The following SUSD5 variants were observed in gnomAD, a reference collection of about 807,000 sequenced individuals.
SUSD5 encodes the protein sushi domain-containing protein 5.
A neutral mutation model predicts 29.5 loss-of-function variants in SUSD5; 33 were observed. That is an observed-to-expected ratio of 1.12 (90% CI 0.85 to 1.49). The LOEUF (loss-of-function observed/expected upper bound fraction) is 1.49, where lower values mean the gene tolerates loss of function less well. Ranked by LOEUF, SUSD5 falls within the 40% of genes most tolerant of loss-of-function variation. The pLI is 0.00. For missense variants in SUSD5, 776 were observed against 800.6 expected, an observed-to-expected ratio of 0.97 and a Z score of 0.37; for synonymous variants, 308 against 325.3, an observed-to-expected ratio of 0.95 and a Z score of 0.57.
chr3:33,194,410 G>A (rs1302257756), intron 3 of SUSD5, among the ~76,000 whole-genome samples: 1 of 152,154 alleles, frequency 6.6e-6, no homozygotes, highest in African/African-American at 2.4e-5. Context: ...GAACCCACTG[G>A]CTGGTTGGTT....
chr3:33,215,807 C>T (rs952346124), intron 1 of SUSD5, among the ~76,000 whole-genome samples: 1 of 152,132 alleles, frequency 6.6e-6, no homozygotes, highest in African/African-American at 2.4e-5. Context: ...AACATGTCAA[C>T]TCAAGGGCCA....
chr3:33,183,527 A>G (rs1251829023), intron 3 of SUSD5, among the ~76,000 whole-genome samples: 2 of 152,204 alleles, frequency 1.3e-5, no homozygotes, highest in African/African-American at 4.8e-5. Context: ...CAAGTACCTT[A>G]TAATAACAAA....
At chr3:33,175,186 T>A (rs2031524185) in intron 3 of SUSD5, 112 bp from the exon 4 acceptor site, 2 of 1,172,722 alleles carry the variant, frequency 1.7e-6, no homozygotes, top group Non-Finnish European at 2.4e-6. Context: ...TACCCTCAAC[T>A]GTGATCACAG....
intron 3 of SUSD5, among the ~76,000 whole-genome samples, chr3:33,177,062 T>G (rs1345295647): frequency 6.6e-6 from 1 of 152,324 alleles, no homozygotes; most frequent in South Asian, 2.1e-4. Flanking sequence ...CAATATTTAG[T>G]TGGTTACTCT....
chr3:33,208,135 A>T (rs1281556207), intron 2 of SUSD5, among the ~76,000 whole-genome samples: 1 of 152,212 alleles, frequency 6.6e-6, no homozygotes, highest in Non-Finnish European at 1.5e-5. Context: ...TATAGGTATC[A>T]ATTCGAGTTT....
intron 4 of SUSD5, among the ~76,000 whole-genome samples, chr3:33,169,694 G>C (rs2031382037): frequency 6.6e-6 from 1 of 152,148 alleles, no homozygotes; most frequent in South Asian, 2.1e-4. Context: ...TGTTTCCATG[G>C]CTGTGTCAGA....
At chr3:33,194,111 C>G (rs1183219605) in intron 3 of SUSD5, among the ~76,000 whole-genome samples, 1 of 152,210 alleles carries the variant, frequency 6.6e-6, no homozygotes, top group African/African-American at 2.4e-5. Context: ...GACCACTAAA[C>G]TGGCTCATCT....
chr3:33,198,262 T>C (rs2032033669), intron 3 of SUSD5, among the ~76,000 whole-genome samples: 1 of 152,228 alleles, frequency 6.6e-6, no homozygotes, highest in South Asian at 2.1e-4. Context: ...CTCAGTCCTC[T>C]TGACAAATCT....
intron 4 of SUSD5, among the ~76,000 whole-genome samples, chr3:33,156,072 G>A (rs893105143): frequency 5.3e-5 from 8 of 149,736 alleles, no homozygotes; most frequent in Non-Finnish European, 7.4e-5. Context: ...AGAGAGTCTC[G>A]CTCTGTCTCC....
intron 2 of SUSD5, among the ~76,000 whole-genome samples, chr3:33,209,287 T>C (rs2032278738): frequency 5.3e-5 from 8 of 152,202 alleles, no homozygotes; most frequent in Admixed American, 5.2e-4. Context: ...TTTGTCTTAC[T>C]TGAGCTTTGC....
chr3:33,201,406 G>A (rs532369738), intron 3 of SUSD5, among the ~76,000 whole-genome samples: 2 of 152,360 alleles, frequency 1.3e-5, no homozygotes, highest in African/African-American at 4.8e-5. Context: ...AAGTGGAGAA[G>A]TCTGTCTGGG....
At chr3:33,165,263 A>AGT (rs1363071679) in intron 4 of SUSD5, among the ~76,000 whole-genome samples, 4 of 152,190 alleles carry the variant, frequency 2.6e-5, no homozygotes, top group African/African-American at 9.7e-5. Flanking sequence ...AGCCATACAC[A>AGT]AGAGTACATA....
At position 33,167,191 on chromosome 3, in the gene SUSD5, T is replaced by C. The variant is rs867844861; in HGVS notation, c.598+7695A>G. Among the ~76,000 whole-genome samples the C allele has an allele frequency of 6.7e-6, 1 of 150,306 alleles. No homozygotes were observed. The highest frequency in any genetic ancestry group is 2.4e-5 in the African/African-American group (1 of 41,142). ...CGAGACTCCATCTCAAAAAAATATA[T>C]ATATATATAAATATATATATAAAAC... is the stretch of plus-strand genomic sequence containing the variant. On this transcript the variant is annotated intron_variant, in intron 4 of 4. Transcript: ENST00000309558. The surrounding 1 kb of genome is among the most constrained non-coding windows in gnomAD (Gnocchi z 4.1).
At chr3:33,187,466 C>T (rs1489439389) in intron 3 of SUSD5, among the ~76,000 whole-genome samples, 1 of 152,124 alleles carries the variant, frequency 6.6e-6, no homozygotes, top group Non-Finnish European at 1.5e-5. Flanking sequence ...TACAACAGTG[C>T]TATGCGTTAA....
At chr3:33,158,083 G>A (rs2031094465) in intron 4 of SUSD5, among the ~76,000 whole-genome samples, 1 of 152,182 alleles carries the variant, frequency 6.6e-6, no homozygotes, top group African/African-American at 2.4e-5. Flanking sequence ...AAGAATAAAT[G>A]GTTCTGGAAG....
chr3:33,159,421 T>C (rs6795217), intron 4 of SUSD5, among the ~76,000 whole-genome samples: 48,112 of 152,004 alleles, frequency 0.32, 8,940 homozygotes, highest in East Asian at 0.5. Context: ...CTGTCTCTTA[T>C]GCCCACACCC....
chr3:33,212,531 G>C (rs1211636361), intron 2 of SUSD5, among the ~76,000 whole-genome samples: 2 of 152,208 alleles, frequency 1.3e-5, no homozygotes, highest in African/African-American at 4.8e-5. Context: ...ATAATGTCTA[G>C]GGGCTGAGCT....
In SUSD5 at chr3:33,206,776, G is replaced by C. The variant is rs1170318291; in HGVS notation, c.409+1032C>G. Among the ~76,000 whole-genome samples the C allele has an allele frequency of 2.0e-5, 3 of 152,076 alleles. No individual in the cohort carries two copies. The East Asian group carries it at 5.8e-4, about 29-fold the overall frequency. ...TATTTCACATCATCAGGGGAGTTTG[G>C]GAAACACTGCATTACAGAAAGGGTT... On this transcript the variant is annotated intron_variant, in intron 3 of 4. Coordinates refer to ENST00000309558, the MANE Select transcript of SUSD5 (RefSeq NM_015551.2).
rs553336512 is a variant in SUSD5, at chr3:33,218,700, G to A, written c.98C>T (p.Ser33Leu). 2 of 1,311,802 alleles carry A rather than the reference G, an allele frequency of 1.5e-6. No homozygotes were observed. Among genetic ancestry groups the A allele is most frequent in the Non-Finnish European group, 9.7e-7 (1 of 1,030,900 alleles). 81.3% of individuals were successfully genotyped at this position (1,311,802 alleles called of 1,614,324 possible). ...ALLLLGLPRL[S>L]VRADGKFFVL... ...CGCACACTCACCATCCGCCCGCACCGAAAGGCGCGGCAGACCGAGCAGGAG... is the reference window on the plus strand; with the variant it reads ...CGCACACTCACCATCCGCCCGCACCAAAAGGCGCGGCAGACCGAGCAGGAG... The change falls in exon 1 of 5, where the codon TCG becomes TTG. Residue 33 changes from serine to leucine, a missense_variant. Transcript: ENST00000309558.
Sources: allele counts gnomAD v4.1 joint callset (sites outside exome capture counted in the v4.1 genomes callset), GRCh38; gene constraint gnomAD v4.1.1; non-coding constraint Gnocchi (gnomAD v3.1); transcripts MANE v1.5; gene names NCBI Gene and HGNC (gene_info 2026-07-23, HGNC 2026-07-21).